Variants in PTPN12 observed in about 807,000 individuals in gnomAD.
PTPN12 encodes the protein protein tyrosine phosphatase non-receptor type 12, also known as tyrosine-protein phosphatase non-receptor type 12.
Under a neutral mutation model 97.6 loss-of-function variants are expected in PTPN12, and 29 were observed. That is an observed-to-expected ratio of 0.30 (90% confidence interval 0.22 to 0.41). The LOEUF is 0.41. Among genes scored for constraint, PTPN12 ranks in the 10% least tolerant of loss-of-function variants. PTPN12 has a pLI of 1.00. For missense variants in PTPN12, 819 were observed against 926.0 expected (o/e 0.88, Z 1.50); for synonymous variants, 327 against 300.4 (o/e 1.09, Z -0.91).
intron 1 of PTPN12, among the ~76,000 whole-genome samples, chr7:77,562,500 G>A (rs958200880): frequency 1.3e-5 from 2 of 152,176 alleles, no homozygotes; most frequent in Non-Finnish European, 2.9e-5. Flanking sequence ...TCAGAATCAG[G>A]ATGCATAACC....
chr7:77,578,435 A>G (rs1456368475), intron 2 of PTPN12, among the ~76,000 whole-genome samples: 1 of 152,170 alleles, frequency 6.6e-6, no homozygotes, highest in Non-Finnish European at 1.5e-5. Flanking sequence ...CATATTTTAA[A>G]CATTCTGTTT....
chr7:77,561,240 A>G (rs1173801804), intron 1 of PTPN12, among the ~76,000 whole-genome samples: 1 of 152,040 alleles, frequency 6.6e-6, no homozygotes, highest in Non-Finnish European at 1.5e-5. Context: ...TGGTTTTTTG[A>G]TAGTAGCCAT....
intron 8 of PTPN12, among the ~76,000 whole-genome samples, chr7:77,602,405 G>A (rs1015380949): frequency 8.5e-5 from 13 of 152,088 alleles, no homozygotes; most frequent in African/African-American, 3.1e-4. Flanking sequence ...ATTTAGGAGT[G>A]TAATGGAAAA....
At chr7:77,539,003 G>A (rs1275735968) in intron 1 of PTPN12, among the ~76,000 whole-genome samples, 1 of 152,184 alleles carries the variant, frequency 6.6e-6, no homozygotes, top group Non-Finnish European at 1.5e-5. Flanking sequence ...CTGATTATGA[G>A]AAGGATACAC....
chr7:77,552,301 T>G (rs967851111), intron 1 of PTPN12, among the ~76,000 whole-genome samples: 1 of 90,000 alleles, frequency 1.1e-5, no homozygotes, highest in Non-Finnish European at 2.3e-5. Context: ...TTAAAGTATG[T>G]TTTTTTTTTT....
chr7:77,570,143 A>G (rs1026178294), intron 1 of PTPN12, among the ~76,000 whole-genome samples: 1 of 152,214 alleles, frequency 6.6e-6, no homozygotes, highest in Non-Finnish European at 1.5e-5. Flanking sequence ...AAAGAAAAAA[A>G]TGTATTCCTG....
At chr7:77,622,383 A>T (rs1490792747) in intron 12 of PTPN12, among the ~76,000 whole-genome samples, 1 of 152,204 alleles carries the variant, frequency 6.6e-6, no homozygotes, top group Admixed American at 6.5e-5. Context: ...AAGATGGGGG[A>T]AAAAAGAAAC....
chr7:77,602,421 C>G (rs758355414), intron 8 of PTPN12, among the ~76,000 whole-genome samples: 3 of 151,882 alleles, frequency 2.0e-5, no homozygotes, highest in Non-Finnish European at 4.4e-5. Flanking sequence ...GAAAATACCC[C>G]TTTAAGAGGA....
At chr7:77,576,243 GA>G (rs1402194386) in intron 2 of PTPN12, among the ~76,000 whole-genome samples, 8 of 152,270 alleles carry the variant, frequency 5.3e-5, no homozygotes, top group Admixed American at 3.9e-4. Context: ...TCCATTGTAT[GA>G]ATGATGAACA....
intron 11 of PTPN12, among the ~76,000 whole-genome samples, chr7:77,617,209 A>C (rs1480081561): frequency 1.3e-5 from 2 of 152,286 alleles, no homozygotes; most frequent in Non-Finnish European, 2.9e-5. Flanking sequence ...AGGTTTAATA[A>C]TTAATAATGC....
intron 5 of PTPN12, among the ~76,000 whole-genome samples, chr7:77,587,969 G>A (rs987128190): frequency 1.3e-5 from 2 of 152,190 alleles, no homozygotes; most frequent in African/African-American, 2.4e-5. Context: ...GGGAGTTAGT[G>A]CCTTGCTCTG....
chr7:77,592,333 G>A (rs1035537246), intron 6 of PTPN12, 77 bp downstream of exon 6: 4 of 1,252,270 alleles, frequency 3.2e-6, no homozygotes. Context: ...TTATAATGTG[G>A]TATGAACCCA....
intron 8 of PTPN12, among the ~76,000 whole-genome samples, chr7:77,605,654 C>T (rs1012083009): frequency 6.6e-6 from 1 of 151,650 alleles, no homozygotes; most frequent in Non-Finnish European, 1.5e-5. Flanking sequence ...CTCCTGACCT[C>T]AGGTGATCCG....
At chr7:77,628,798 A>G (rs148952221) in intron 13 of PTPN12, among the ~76,000 whole-genome samples, 3,241 of 152,164 alleles carry the variant, frequency 0.021, 65 homozygotes, top group Non-Finnish European at 0.032. Context: ...TAGGCCTCCC[A>G]AAGTGCTGGG....
intron 2 of PTPN12, among the ~76,000 whole-genome samples, chr7:77,577,413 C>G (rs1222959160): frequency 6.6e-6 from 1 of 152,050 alleles, no homozygotes; most frequent in Non-Finnish European, 1.5e-5. Flanking sequence ...TAATTCTATA[C>G]TTTTGAACCT....
intron 7 of PTPN12, among the ~76,000 whole-genome samples, chr7:77,599,944 A>G (rs1447208619): frequency 3.3e-5 from 5 of 152,210 alleles, no homozygotes; most frequent in East Asian, 3.8e-4. Flanking sequence ...ATCTTTCAGT[A>G]TATACTATAT....
At chr7:77,579,944 C>T (rs1352894022) in intron 2 of PTPN12, among the ~76,000 whole-genome samples, 1 of 152,122 alleles carries the variant, frequency 6.6e-6, no homozygotes, top group Non-Finnish European at 1.5e-5. Context: ...ACCCAGTCAC[C>T]CTTATTACAT....
At position 77,624,533 on chromosome 7, in the gene PTPN12, G is replaced by A. The variant is rs549700901; in HGVS notation, c.1026-2172G>A. On this transcript the variant is annotated intron_variant, in intron 12 of 17. Transcript: ENST00000248594. ...CAGCTCACTGCAACCTCTGCCTCCC[G>A]AATTCAAGTGATTCTCCTGACTCAG... Among the ~76,000 whole-genome samples, 22 of 151,872 alleles carry A rather than the reference G, an allele frequency of 1.4e-4. No homozygotes were observed. The East Asian group carries it at 4.0e-3, about 27-fold the overall frequency.
chr7:77,588,815 G>A lies in PTPN12; in HGVS notation c.420+3234G>A, dbSNP rs139311692. Among the ~76,000 whole-genome samples, 265 of 152,160 alleles carry A rather than the reference G, an allele frequency of 1.7e-3. 1 individual carries two copies. The highest frequency in any genetic ancestry group is 5.7e-3 in the African/African-American group (238 of 41,526). On this transcript the variant is annotated intron_variant, in intron 5 of 17. Coordinates refer to ENST00000248594, the MANE Select transcript of PTPN12 (RefSeq NM_002835.4). Reference sequence around the variant, plus strand: ...TAAATAGGAATAAAATTGAACAAGTGGAAATACATTTTAAAAATCTGGTTA... The same window carrying A: ...TAAATAGGAATAAAATTGAACAAGTAGAAATACATTTTAAAAATCTGGTTA...
Sources: gnomAD v4.1 joint callset for allele counts (sites outside exome capture counted in the v4.1 genomes callset) on GRCh38, gnomAD v4.1.1 for gene constraint, MANE v1.5 for transcripts, NCBI Gene and HGNC (gene_info 2026-07-23, HGNC 2026-07-21) for gene names.